The following KIAA0825 variants were observed in gnomAD, a reference collection of about 807,000 sequenced individuals.
KIAA0825 encodes the protein KIAA0825, also known as uncharacterized protein KIAA0825.
In KIAA0825, 119 loss-of-function variants were observed where a neutral mutation model predicts 147.6. The observed-to-expected ratio is 0.81, with a 90% confidence interval of 0.69 to 0.94. The LOEUF (loss-of-function observed/expected upper bound fraction) is 0.94. KIAA0825 is among the 40% of genes least tolerant of loss of function. The pLI is 0.00. For synonymous variants in KIAA0825, 470 were observed against 518.1 expected (o/e 0.91, Z 1.26); for missense variants, 1,381 against 1,472.7 (o/e 0.94, Z 1.02).
intron 20 of KIAA0825, among the ~76,000 whole-genome samples, chr5:94,285,966 TC>T (rs974618406): frequency 1.3e-5 from 2 of 152,116 alleles, no homozygotes; most frequent in African/African-American, 4.8e-5. Flanking sequence ...AAGTCACATA[TC>T]AGCCAACACC....
chr5:94,212,587 G>T (rs7378943), intron 20 of KIAA0825, among the ~76,000 whole-genome samples: 130,031 of 152,164 alleles, frequency 0.85, 56,377 homozygotes, highest in South Asian at 0.93. Flanking sequence ...ACATTTACAC[G>T]GGATACCCTT....
chr5:94,253,921 CA>C (rs1344590217), intron 20 of KIAA0825, among the ~76,000 whole-genome samples: 1 of 152,134 alleles, frequency 6.6e-6, no homozygotes, highest in Admixed American at 6.6e-5. Flanking sequence ...TCTTCACTGT[CA>C]CTTTATTAGC....
intron 20 of KIAA0825, among the ~76,000 whole-genome samples, chr5:94,208,417 G>C (rs893110106): frequency 7.2e-5 from 11 of 152,092 alleles, no homozygotes. Context: ...AACATTTACT[G>C]TACATATAAT....
chr5:94,182,250 C>CTTCTTTTTTTTTTTTTTTTT (rs1769702226), intron 20 of KIAA0825, among the ~76,000 whole-genome samples: 1 of 38,276 alleles, frequency 2.6e-5, no homozygotes, highest in African/African-American at 1.1e-4. Context: ...AATGTCCCTT[C>CTTCTTTTTTTTTTTTTTTTT]TTTTTTTTTT....
intron 1 of KIAA0825, chr5:94,594,836 G>T: frequency 5.4e-6 from 2 of 370,072 alleles, no homozygotes; most frequent in South Asian, 2.5e-5. Context: ...GTCACATTTG[G>T]ACTTATTTTA....
chr5:94,440,979 T>G (rs963371507), intron 13 of KIAA0825, among the ~76,000 whole-genome samples: 1 of 151,790 alleles, frequency 6.6e-6, no homozygotes, highest in African/African-American at 2.4e-5. Flanking sequence ...CTTAAGGACA[T>G]AGGAATAGGG....
chr5:94,458,301 A>T (rs764783829), intron 12 of KIAA0825, among the ~76,000 whole-genome samples: 1 of 152,194 alleles, frequency 6.6e-6, no homozygotes, highest in Non-Finnish European at 1.5e-5. Flanking sequence ...TAACTGGCCC[A>T]TAGTAGATTC....
intron 20 of KIAA0825, among the ~76,000 whole-genome samples, chr5:94,320,509 C>T (rs2150241988): frequency 6.6e-6 from 1 of 152,006 alleles, no homozygotes. Flanking sequence ...CCTGCACTTC[C>T]CACACCCTTC....
intron 3 of KIAA0825, among the ~76,000 whole-genome samples, chr5:94,534,333 T>C (rs890313430): frequency 2.0e-5 from 3 of 152,198 alleles, no homozygotes; most frequent in South Asian, 4.1e-4. Context: ...TGAACCACAG[T>C]TATTATTCAG....
chr5:94,284,894 A>T (rs1200596135), intron 20 of KIAA0825, among the ~76,000 whole-genome samples: 1 of 152,146 alleles, frequency 6.6e-6, no homozygotes, highest in African/African-American at 2.4e-5. Flanking sequence ...TGTATCGTGT[A>T]CTAATTTCTA....
At chr5:94,390,613 G>A (rs1266550193) in intron 18 of KIAA0825, among the ~76,000 whole-genome samples, 1 of 152,096 alleles carries the variant, frequency 6.6e-6, no homozygotes, top group African/African-American at 2.4e-5. Context: ...TATGTCACCT[G>A]TTTATCGACT....
Position 94,574,891 on chromosome 5 carries a change from C to G in KIAA0825, c.-2+7542G>C, listed in dbSNP as rs562751185. Among the ~76,000 whole-genome samples, 45 of 152,196 alleles carry G rather than the reference C, an allele frequency of 3.0e-4. No individual in the cohort carries two copies. The East Asian group carries it at 8.5e-3, about 29-fold the overall frequency. ...AAAGTATGAGCTACTATACCCGGCT[C>G]TGGTTCTCATCTTGACATTTCTATG... On this transcript the variant is annotated intron_variant, in intron 2 of 20. Transcript: ENST00000682413.
At chr5:94,269,412 G>A (rs2150140756) in intron 20 of KIAA0825, among the ~76,000 whole-genome samples, 1 of 152,196 alleles carries the variant, frequency 6.6e-6, no homozygotes, top group East Asian at 1.9e-4. Flanking sequence ...GCAGGAGTAA[G>A]TCTTTACTTA....
intron 1 of KIAA0825, among the ~76,000 whole-genome samples, chr5:94,590,552 A>T (rs990387671): frequency 1.3e-5 from 2 of 152,230 alleles, no homozygotes; most frequent in African/African-American, 4.8e-5. Context: ...TGCCAATGTG[A>T]GGAAGCCATT....
At chr5:94,411,246 C>T (rs911222850) in intron 15 of KIAA0825, among the ~76,000 whole-genome samples, 20 of 151,946 alleles carry the variant, frequency 1.3e-4, no homozygotes, top group East Asian at 1.2e-3. Context: ...GGAATACTGA[C>T]AAATACTCAA....
chr5:94,557,317 G>A (rs1343693349), intron 2 of KIAA0825, among the ~76,000 whole-genome samples: 1 of 151,900 alleles, frequency 6.6e-6, no homozygotes, highest in Non-Finnish European at 1.5e-5. Flanking sequence ...TGCCCAGGCT[G>A]CTTTCAAACT....
At chr5:94,582,154 T>C (rs751745438) in intron 2 of KIAA0825, among the ~76,000 whole-genome samples, 10 of 152,190 alleles carry the variant, frequency 6.6e-5, no homozygotes, top group Non-Finnish European at 1.5e-4. Flanking sequence ...ACTGTTTGCA[T>C]AGAATGGGGA....
chr5:94,194,970 A>T (rs955043736), intron 20 of KIAA0825, among the ~76,000 whole-genome samples: 2 of 152,164 alleles, frequency 1.3e-5, no homozygotes, highest in Non-Finnish European at 2.9e-5. Flanking sequence ...CCAAATCCTC[A>T]TGATGACTCT....
intron 20 of KIAA0825, among the ~76,000 whole-genome samples, chr5:94,211,907 T>C (rs963330248): frequency 6.6e-6 from 1 of 152,210 alleles, no homozygotes; most frequent in Non-Finnish European, 1.5e-5. Flanking sequence ...TACAAATTGA[T>C]GCCTTTTAGA....
Sources: gnomAD v4.1 joint callset for allele counts (sites outside exome capture counted in the v4.1 genomes callset) on GRCh38, gnomAD v4.1.1 for gene constraint, MANE v1.5 for transcripts, NCBI Gene and HGNC (gene_info 2026-07-23, HGNC 2026-07-21) for gene names.